The following NUDT16L1 variants were observed in gnomAD, a reference collection of about 807,000 sequenced individuals.
NUDT16L1 encodes nudix hydrolase 16 like 1.
In NUDT16L1, 19 loss-of-function variants were observed where a neutral mutation model predicts 17.3. That is an observed-to-expected ratio of 1.10 (90% CI 0.77 to 1.61). The LOEUF is 1.61. Ranked by LOEUF, NUDT16L1 falls within the 40% of genes most tolerant of loss-of-function variation. The pLI is 0.00. For missense variants in NUDT16L1, 341 were observed against 292.0 expected (o/e 1.17, Z -1.22); for synonymous variants, 255 against 138.6 (o/e 1.84, Z -5.90).
At chr16:4,694,205 C>T (rs368112713) in exon 2 of NUDT16L1, 6 of 1,543,702 alleles carry the variant, frequency 3.9e-6, no homozygotes, top group South Asian at 1.2e-5. Context: ...CCGTGGAGAT[C>T]AGCGCGGTGC....
exon 1 of NUDT16L1, chr16:4,693,728 TGTC>T: frequency 1.3e-6 from 2 of 1,529,280 alleles, no homozygotes; most frequent in Non-Finnish European, 1.8e-6. Context: ...AGTGCCAAGA[TGTC>T]GACGGCGGCG....
At chr16:4,693,570 A>G (rs915205368), upstream of NUDT16L1, 23 of 812,564 alleles carry the variant, frequency 2.8e-5, no homozygotes, top group African/African-American at 2.5e-4. Flanking sequence ...TCGACGACGC[A>G]CCGCGGCGCT....
At chr16:4,695,600 T>G in exon 3 of NUDT16L1, 1 of 432,160 alleles carries the variant, frequency 2.3e-6, no homozygotes, top group East Asian at 3.4e-5. Context: ...GCCTCCTTCC[T>G]GAGCCAGTTC....
exon 1 of NUDT16L1, chr16:4,693,777 G>A (rs1244183936): frequency 4.5e-6 from 7 of 1,565,942 alleles, no homozygotes; most frequent in Non-Finnish European, 2.6e-6. Flanking sequence ...GGGTGGAGGC[G>A]ATGCGCCTAG....
intron 1 of NUDT16L1, 26 bp downstream of exon 1, chr16:4,693,905 AGGGTGCCGGCGC>A (rs1183327182): frequency 6.7e-7 from 1 of 1,487,494 alleles, no homozygotes; most frequent in South Asian, 1.3e-5. Context: ...GGCGCGGGCG[AGGGTGCCGGCGC>A]GGGCGGGCCC....
At chr16:4,694,272 C>T (rs1177918944) in intron 2 of NUDT16L1, 34 bp downstream of exon 2, 39 of 1,460,602 alleles carry the variant, frequency 2.7e-5, no homozygotes, top group Admixed American at 2.6e-5. Context: ...CCCCCCGCCC[C>T]GGGGTTTGGC....
At chr16:4,693,813 C>A (rs565516172) in exon 1 of NUDT16L1, 5 of 1,572,520 alleles carry the variant, frequency 3.2e-6, no homozygotes, top group Non-Finnish European at 4.3e-6. Context: ...ACTCGTGCCA[C>A]GCCATGCTGT....
rs370856671 is a variant in NUDT16L1, at chr16:4,695,011, C to G, written c.468C>G (p.Gly156=). Residue 156 remains glycine, a synonymous_variant, in exon 3 of 3, where the codon GGC becomes GGG. Coordinates refer to ENST00000304301, the Ensembl canonical transcript of NUDT16L1. ...ACACCCAGAAGGACCGAGTCGGAGG[C>G]TTCCCCAACTTCCTGAGCAACGCCT... 1.1e-5 allele frequency: 18 copies of G among 1,612,936 alleles called. No individual in the cohort carries two copies. The African/African-American group carries it at 2.3e-4, about 20-fold the overall frequency.
exon 3 of NUDT16L1, chr16:4,695,234 C>T (rs965634773): frequency 1.3e-6 from 2 of 1,558,262 alleles, no homozygotes; most frequent in African/African-American, 2.7e-5. Context: ...GGAATTCCTG[C>T]TAAGTGTGGC....
At chr16:4,695,448 A>G (rs2079521802) in exon 3 of NUDT16L1, 2 of 587,124 alleles carry the variant, frequency 3.4e-6, no homozygotes, top group Non-Finnish European at 6.1e-6. Flanking sequence ...CTGGGCTCAG[A>G]CCCTCCTCTT....
chr16:4,695,449 C>T lies in NUDT16L1; in HGVS notation c.*270C>T, dbSNP rs188675045. On this transcript the variant is annotated 3_prime_UTR_variant, in exon 3 of 3. Transcript: ENST00000304301. Reference sequence around the variant, plus strand: ...TGCTCTTGTTTATTCTGGGCTCAGACCCTCCTCTTGTACGTCTCATCACAG... The same window carrying T: ...TGCTCTTGTTTATTCTGGGCTCAGATCCTCCTCTTGTACGTCTCATCACAG... 598 of 590,376 alleles carry T rather than the reference C, an allele frequency of 1.0e-3. 2 individuals carry two copies. Among genetic ancestry groups the T allele is most frequent in the Non-Finnish European group, 1.5e-3 (489 of 331,852 alleles). 36.6% of individuals were successfully genotyped at this position (590,376 alleles called of 1,614,324 possible). A position where few individuals can be genotyped will look rare whatever the true frequency, so the allele number is the denominator to read the frequency against.
exon 1 of NUDT16L1, chr16:4,693,855 C>T: frequency 6.4e-7 from 1 of 1,556,370 alleles, no homozygotes; most frequent in Non-Finnish European, 8.6e-7. Context: ...TCTTCGGCCG[C>T]ATCCCCATGC....
At chr16:4,693,742 G>A (rs201973290) in exon 1 of NUDT16L1, 8 of 1,544,732 alleles carry the variant, frequency 5.2e-6, no homozygotes, top group African/African-American at 1.4e-5. Context: ...GACGGCGGCG[G>A]TTCCGGAGCT....
Position 4,694,248 on chromosome 16 carries a change from C to G in NUDT16L1, c.414+10C>G, listed in dbSNP as rs1310537223. ...CGACCACGGCCTGGAGGTGGGGCCGCCGCCCGGGCCCCGCCCCCCGCCCCG... is the reference window on the plus strand; with the variant it reads ...CGACCACGGCCTGGAGGTGGGGCCGGCGCCCGGGCCCCGCCCCCCGCCCCG... On this transcript the variant is annotated intron_variant, in intron 2 of 2. Transcript: ENST00000304301. The G allele has an allele frequency of 1.4e-6, 2 of 1,463,726 alleles. No homozygotes were observed. The highest frequency in any genetic ancestry group is 5.2e-5 in the East Asian group (2 of 38,454). The allele number at this position is 1,463,726 out of a possible 1,614,324, so 90.7% of individuals were successfully genotyped here. A position where few individuals can be genotyped will look rare whatever the true frequency, so the allele number is the denominator to read the frequency against.
chr16:4,694,134 G>A, exon 2 of NUDT16L1: 1 of 1,589,128 alleles, frequency 6.3e-7, no homozygotes, highest in Non-Finnish European at 8.5e-7. Context: ...CCTGACCGAG[G>A]GCCCACACCG....
At chr16:4,694,683 A>T in intron 2 of NUDT16L1, 1 of 1,201,144 alleles carries the variant, frequency 8.3e-7, no homozygotes, top group Non-Finnish European at 1.0e-6. Flanking sequence ...CGTTGGGTGG[A>T]CGGGGGGAGC....
chr16:4,695,250 G>A, exon 3 of NUDT16L1: 1 of 1,500,278 alleles, frequency 6.7e-7, no homozygotes, highest in Non-Finnish European at 9.1e-7. Flanking sequence ...GTGGCTTCTA[G>A]AGTGTTTGTG....
intron 2 of NUDT16L1, chr16:4,694,483 C>T (rs2079488751): frequency 3.3e-6 from 5 of 1,523,314 alleles, no homozygotes; most frequent in Non-Finnish European, 4.4e-6. Flanking sequence ...CCTGCCATTG[C>T]CAATCCTGGG....
chr16:4,693,695 G>T (rs748913727), exon 1 of NUDT16L1: 4 of 1,483,968 alleles, frequency 2.7e-6, no homozygotes, highest in Non-Finnish European at 2.7e-6. Flanking sequence ...ATGCTCTTAA[G>T]TGGCAGCGGC....
Sources: gnomAD v4.1 joint callset for allele counts on GRCh38, gnomAD v4.1.1 for gene constraint, MANE v1.5 for transcripts, NCBI Gene and HGNC (gene_info 2026-07-23, HGNC 2026-07-21) for gene names.